The following PI4KA variants were observed in gnomAD, a reference collection of about 807,000 sequenced individuals.
The protein encoded by PI4KA is phosphatidylinositol 4-kinase alpha.
Under a neutral mutation model 271.4 loss-of-function variants are expected in PI4KA, and 122 were observed. The observed-to-expected ratio is 0.45, with a 90% CI of 0.39 to 0.52. The LOEUF (loss-of-function observed/expected upper bound fraction) is 0.52. PI4KA is among the 20% of genes least tolerant of loss of function. The probability of loss-of-function intolerance (pLI) is 0.00; values close to 1 mark genes in which losing one functional copy is unlikely to be tolerated. For synonymous variants in PI4KA, 1,041 were observed against 1,078.8 expected, an observed-to-expected ratio of 0.96 and a Z score of 0.69; for missense variants, 1,969 against 2,769.1, an observed-to-expected ratio of 0.71 and a Z score of 6.48.
intron 32 of PI4KA, among the ~76,000 whole-genome samples, chr22:20,739,451 T>C (rs1393128609): frequency 5.7e-5 from 8 of 141,078 alleles, no homozygotes; most frequent in South Asian, 2.2e-4. Flanking sequence ...CTGGGCAACA[T>C]AGCAAGACTG....
intron 1 of PI4KA, among the ~76,000 whole-genome samples, chr22:20,849,240 G>A (rs565276295): frequency 5.3e-5 from 8 of 152,282 alleles, no homozygotes; most frequent in South Asian, 2.1e-4. Context: ...TCTGTACACC[G>A]TTGGTGGGAA....
intron 1 of PI4KA, among the ~76,000 whole-genome samples, chr22:20,856,173 G>A (rs1927574921): frequency 1.3e-5 from 2 of 152,136 alleles, no homozygotes; most frequent in Admixed American, 6.5e-5. Context: ...TTTGCCCGGG[G>A]TGGTGGCACA....
At chr22:20,814,975 G>A (rs989891093) in intron 7 of PI4KA, among the ~76,000 whole-genome samples, 1 of 151,742 alleles carries the variant, frequency 6.6e-6, no homozygotes, top group African/African-American at 2.4e-5. Flanking sequence ...TGGGCAACAC[G>A]ACGAGACCCT....
At chr22:20,766,777 G>C (rs1185687417) in intron 19 of PI4KA, among the ~76,000 whole-genome samples, 2 of 152,138 alleles carry the variant, frequency 1.3e-5, no homozygotes, top group African/African-American at 4.8e-5. Flanking sequence ...TGTGGTAAGC[G>C]GGGGCTTTGC....
At chr22:20,733,971 G>A (rs529564784) in intron 34 of PI4KA, 72 bp downstream of exon 34, 715 of 1,523,284 alleles carry the variant, frequency 4.7e-4, no homozygotes, top group Non-Finnish European at 5.8e-4. Context: ...CAGAAGTACC[G>A]TGATACACAG....
intron 19 of PI4KA, among the ~76,000 whole-genome samples, chr22:20,786,637 C>T (rs1445138932): frequency 6.6e-6 from 1 of 152,166 alleles, no homozygotes; most frequent in African/African-American, 2.4e-5. Flanking sequence ...CACCAGCCCC[C>T]ACGACCCTCA....
intron 1 of PI4KA, among the ~76,000 whole-genome samples, chr22:20,850,429 T>C (rs1441001257): frequency 6.7e-6 from 1 of 148,994 alleles, no homozygotes; most frequent in South Asian, 2.2e-4. Context: ...TCTGGGACTA[T>C]AAATACTCAT....
At chr22:20,839,938 T>C (rs1475324603) in intron 1 of PI4KA, among the ~76,000 whole-genome samples, 1 of 152,144 alleles carries the variant, frequency 6.6e-6, no homozygotes, top group Non-Finnish European at 1.5e-5. Context: ...TAGTGGCTAG[T>C]GGAAGGCAAA....
intron 42 of PI4KA, among the ~76,000 whole-genome samples, chr22:20,723,656 C>A (rs550902142): frequency 6.6e-6 from 1 of 151,844 alleles, no homozygotes; most frequent in South Asian, 2.1e-4. Flanking sequence ...CATGGTGAAA[C>A]CCTGTCTCTA....
At chr22:20,804,227 G>T in intron 12 of PI4KA, 73 bp downstream of exon 12, 2 of 1,037,784 alleles carry the variant, frequency 1.9e-6, no homozygotes, top group Non-Finnish European at 1.5e-6. Flanking sequence ...ACCACAGCCT[G>T]AACAGCAACA....
chr22:20,714,682 T>C lies in PI4KA; in HGVS notation c.5336A>G (p.Asn1779Ser). ...GATGTCCAGCACAATGGCCTCAGGG[T>C]TGCTGGGCAGGTAGCAGCCTGTGCA... Reference protein sequence around the residue: ...KVQPGCYLPSNPEAIVLDIDY... With the variant: ...KVQPGCYLPSSPEAIVLDIDY... The change falls in exon 46 of 55, where the codon AAC becomes AGC. Residue 1779 changes from asparagine (N) to serine (S), a missense_variant. Coordinates refer to ENST00000255882, the MANE Select transcript of PI4KA (RefSeq NM_058004.4). The C allele has an allele frequency of 6.2e-7, 1 of 1,613,840 alleles. No individual in the cohort carries two copies. The highest frequency in any genetic ancestry group is 8.5e-7 in the Non-Finnish European group (1 of 1,179,830).
chr22:20,784,704 C>T (rs867744454), intron 19 of PI4KA, among the ~76,000 whole-genome samples: 3 of 152,116 alleles, frequency 2.0e-5, no homozygotes, highest in Admixed American at 1.3e-4. Context: ...CTTAGCCTAC[C>T]GAGGACACAT....
chr22:20,745,089 C>T (rs1929907284), intron 29 of PI4KA, among the ~76,000 whole-genome samples: 1 of 152,230 alleles, frequency 6.6e-6, no homozygotes, highest in African/African-American at 2.4e-5. Flanking sequence ...ACTTACAGAC[C>T]GTAAAGGGGC....
Position 20,751,771 on chromosome 22 carries a change from G to A in PI4KA, c.2988-16C>T. 1 of 1,612,014 alleles carries A rather than the reference G, an allele frequency of 6.2e-7. No individual in the cohort carries two copies. Among genetic ancestry groups the A allele is most frequent in the Non-Finnish European group, 8.5e-7 (1 of 1,178,176 alleles). ...GTGGGGAAACCTGCACCAAGAGCCA[G>A]CTCTCAGGACCAAGAGCCAAACCTC... is the stretch of plus-strand genomic sequence containing the variant. On this transcript the variant is annotated splice_polypyrimidine_tract_variant and intron_variant, in intron 25 of 54. Coordinates refer to ENST00000255882, the MANE Select transcript of PI4KA (RefSeq NM_058004.4).
At chr22:20,786,230 ACC>A in intron 19 of PI4KA, 1 of 1,454,466 alleles carries the variant, frequency 6.9e-7, no homozygotes, top group Non-Finnish European at 9.6e-7. Flanking sequence ...CTTCCTACCC[ACC>A]CCCCAATCTC....
intron 7 of PI4KA, among the ~76,000 whole-genome samples, chr22:20,815,747 G>A (rs1921715189): frequency 6.6e-6 from 1 of 152,092 alleles, no homozygotes; most frequent in South Asian, 2.1e-4. Flanking sequence ...GAAACAGCCG[G>A]ATTAAAAAGG....
rs1184265149 is a variant in PI4KA at position 20,813,381 on chromosome 22, T to C, written c.982A>G (p.Met328Val). ...TYKEFNIPLE[M>V]LRELLNLVKK... ...ACCAGGTTTAAGAGTTCCCGAAGCA[T>C]TTCCAATGGAATGTTAAACTCCTTA... The change falls in exon 8 of 55, where the codon ATG becomes GTG. Residue 328 changes from methionine to valine, a missense_variant. Coordinates refer to ENST00000255882, the MANE Select transcript of PI4KA (RefSeq NM_058004.4). The C allele has an allele frequency of 1.2e-6, 2 of 1,613,722 alleles. No individual in the cohort carries two copies. The highest frequency in any genetic ancestry group is 1.3e-5 in the African/African-American group (1 of 74,934).
At chr22:20,718,204 G>A (rs1007820260) in intron 44 of PI4KA, among the ~76,000 whole-genome samples, 2 of 152,334 alleles carry the variant, frequency 1.3e-5, no homozygotes, top group Non-Finnish European at 2.9e-5. Context: ...CCCAGCCAGC[G>A]TGCCCAGCAT....
At chr22:20,796,027 A>C in intron 18 of PI4KA, 119 bp downstream of exon 18, 1 of 904,626 alleles carries the variant, frequency 1.1e-6, no homozygotes, top group South Asian at 1.7e-5. Context: ...CATTCCAGGC[A>C]CATTTAAATC....
Sources: gnomAD v4.1 joint callset for allele counts (sites outside exome capture counted in the v4.1 genomes callset) on GRCh38, gnomAD v4.1.1 for gene constraint, MANE v1.5 for transcripts, NCBI Gene and HGNC (gene_info 2026-07-23, HGNC 2026-07-21) for gene names.